The following TUBGCP3 variants were observed in gnomAD, a reference collection of about 807,000 sequenced individuals.
The protein encoded by TUBGCP3 is tubulin gamma complex component 3.
TUBGCP3 carries 50 observed loss-of-function variants against 123.1 expected under a neutral mutation model. The observed-to-expected ratio is 0.41, with a 90% CI of 0.32 to 0.51. The LOEUF (loss-of-function observed/expected upper bound fraction) is 0.51, where lower values mean the gene tolerates loss of function less well. TUBGCP3 is among the 20% of genes least tolerant of loss of function. TUBGCP3 has a pLI of 0.36. For missense variants in TUBGCP3, 882 were observed against 1,127.0 expected (o/e 0.78, Z 3.11); for synonymous variants, 405 against 413.9 (o/e 0.98, Z 0.26).
At chr13:112,525,684 C>T (rs1017795752) in intron 13 of TUBGCP3, among the ~76,000 whole-genome samples, 2 of 152,226 alleles carry the variant, frequency 1.3e-5, no homozygotes, top group Non-Finnish European at 1.5e-5. Context: ...AAAGCCTCAG[C>T]ACTTCCCACA....
intron 1 of TUBGCP3, among the ~76,000 whole-genome samples, chr13:112,581,707 A>G (rs1205828845): frequency 6.6e-6 from 1 of 152,188 alleles, no homozygotes; most frequent in African/African-American, 2.4e-5. Context: ...TGGCCTCCCA[A>G]AGTGCTGGGA....
At chr13:112,493,482 G>A (rs1293955162) in intron 20 of TUBGCP3, among the ~76,000 whole-genome samples, 1 of 146,416 alleles carries the variant, frequency 6.8e-6, no homozygotes, top group East Asian at 2.1e-4. Context: ...AACAGGGCCT[G>A]GTGTCCCTGA....
intron 10 of TUBGCP3, 39 bp downstream of exon 10, chr13:112,547,581 G>A (rs762520666): frequency 6.9e-6 from 10 of 1,441,718 alleles, no homozygotes; most frequent in Admixed American, 5.0e-5. Flanking sequence ...GGAAAGTCGC[G>A]CGTGGGAAAG....
At position 112,545,971 on chromosome 13, in the gene TUBGCP3, G is replaced by C; in HGVS notation, c.1169-106C>G. ...GACGCCCAAGTAATTGAGATAAAGA[G>C]CATTTGTTTTCTTACAGTTAATACC... On this transcript the variant is annotated intron_variant, in intron 10 of 21. Coordinates refer to ENST00000261965, the MANE Select transcript of TUBGCP3 (RefSeq NM_006322.6). This position sits in a 1 kb window ranked among gnomAD's most constrained non-coding sequence, Gnocchi z 4.1. The C allele has an allele frequency of 7.6e-7, 1 of 1,315,806 alleles. No homozygotes were observed. Among genetic ancestry groups the C allele is most frequent in the South Asian group, 1.4e-5 (1 of 72,816 alleles). 81.5% of individuals were successfully genotyped at this position (1,315,806 alleles called of 1,614,324 possible).
intron 1 of TUBGCP3, among the ~76,000 whole-genome samples, chr13:112,578,245 C>G (rs2139311835): frequency 6.6e-6 from 1 of 152,200 alleles, no homozygotes; most frequent in South Asian, 2.1e-4. Context: ...CTCCCAGGAT[C>G]GATTGTATCT....
At chr13:112,532,249 G>T (rs533972612) in intron 11 of TUBGCP3, among the ~76,000 whole-genome samples, 2 of 152,298 alleles carry the variant, frequency 1.3e-5, no homozygotes, top group East Asian at 3.9e-4. Context: ...ATTTCAAGAG[G>T]TATGGCATAA....
intron 20 of TUBGCP3, among the ~76,000 whole-genome samples, chr13:112,497,035 T>G (rs763892727): frequency 2.6e-5 from 4 of 151,896 alleles, no homozygotes; most frequent in Non-Finnish European, 4.4e-5. Flanking sequence ...TTGAGACAGT[T>G]TAGTAATTCT....
chr13:112,539,798 G>A (rs996382815), intron 11 of TUBGCP3, among the ~76,000 whole-genome samples: 7 of 151,948 alleles, frequency 4.6e-5, no homozygotes, highest in Non-Finnish European at 8.8e-5. Flanking sequence ...GAGCATTCAG[G>A]TGGTCTTGGG....
chr13:112,485,826 A>C lies in TUBGCP3; in HGVS notation c.*167T>G, dbSNP rs532427097. 1.7e-4 allele frequency: 124 copies of C among 742,932 alleles called. No homozygotes were observed. In the African/African-American group the frequency reaches 1.8e-3, roughly 11 times the overall value. The allele number at this position is 742,932 out of a possible 1,614,324, so 46.0% of individuals were successfully genotyped here. Reference sequence around the variant, plus strand: ...CAAATGCATTCGACTCCGACATGTGAAACACGACGTGGCTTCTCCCACACG... The same window carrying C: ...CAAATGCATTCGACTCCGACATGTGCAACACGACGTGGCTTCTCCCACACG... On this transcript the variant is annotated 3_prime_UTR_variant, in exon 22 of 22. Transcript: ENST00000261965.
intron 13 of TUBGCP3, among the ~76,000 whole-genome samples, chr13:112,523,815 C>G (rs1482782488): frequency 1.3e-5 from 2 of 152,176 alleles, no homozygotes; most frequent in Admixed American, 1.3e-4. Context: ...ACTATTTATT[C>G]TTTATTCACA....
rs1011133820 is a variant in TUBGCP3, at chr13:112,495,864, G to A, written c.2448+3181C>T. ...CAGTGAGTTGGTGGGAGAGCCTTAC[G>A]GGAGCACTTATTTCAAGGACATTAC... On this transcript the variant is annotated intron_variant, in intron 20 of 21. Transcript: ENST00000261965. Among the ~76,000 whole-genome samples the A allele has an allele frequency of 9.2e-5, 14 of 152,130 alleles. No individual in the cohort carries two copies. In the South Asian group the frequency reaches 1.5e-3, roughly 16 times the overall value.
intron 19 of TUBGCP3, among the ~76,000 whole-genome samples, chr13:112,503,360 G>T (rs953901608): frequency 4.6e-5 from 7 of 151,978 alleles, no homozygotes; most frequent in South Asian, 2.1e-4. Flanking sequence ...ATGGTTTTTT[G>T]TTGTTGTTGT....
intron 16 of TUBGCP3, among the ~76,000 whole-genome samples, chr13:112,518,033 A>G (rs1876297949): frequency 6.6e-6 from 1 of 152,236 alleles, no homozygotes; most frequent in Non-Finnish European, 1.5e-5. Flanking sequence ...AAGAGAAGTT[A>G]TACACTTAAA....
At chr13:112,503,050 G>T (rs1235632600) in intron 19 of TUBGCP3, among the ~76,000 whole-genome samples, 1 of 152,074 alleles carries the variant, frequency 6.6e-6, no homozygotes, top group African/African-American at 2.4e-5. Context: ...TGAAGTAAAG[G>T]CCCTGAAGTG....
At chr13:112,563,030 T>C (rs919503409) in intron 3 of TUBGCP3, among the ~76,000 whole-genome samples, 30 of 152,104 alleles carry the variant, frequency 2.0e-4, no homozygotes, top group African/African-American at 6.5e-4. Flanking sequence ...AGATGCACAA[T>C]GTTCTAGTTC....
chr13:112,590,211 C>T (rs1882858019), upstream of TUBGCP3, among the ~76,000 whole-genome samples: 1 of 152,062 alleles, frequency 6.6e-6, no homozygotes, highest in African/African-American at 2.4e-5. Context: ...CTCCTGACCT[C>T]GTGATGTGCC....
rs1175590543 is a variant in TUBGCP3, at chr13:112,524,632, CA to C, written c.1556-2124del. ...AATCTGGGGTCTATGTACCCCCCCA[CA>C]AAAAAATACATGTAAAATTATGTCT... On this transcript the variant is annotated intron_variant, in intron 13 of 21. Transcript: ENST00000261965. This position sits in a 1 kb window ranked among gnomAD's most constrained non-coding sequence, Gnocchi z 4.4. 6.6e-6 allele frequency among the ~76,000 whole-genome samples: 1 copy of C among 152,048 alleles called. No individual in the cohort carries two copies. The highest frequency in any genetic ancestry group is 2.4e-5 in the African/African-American group (1 of 41,380).
At chr13:112,595,570 C>T in the TUBGCP3 span, among the ~76,000 whole-genome samples, 4 of 152,104 alleles carry the variant, frequency 2.6e-5, no homozygotes, top group African/African-American at 4.8e-5. Context: ...AGCAAATTGA[C>T]CTTTATCTCA....
At position 112,499,188 on chromosome 13, in the gene TUBGCP3, G is replaced by A. The variant is rs1315777193; in HGVS notation, c.2308-3C>T. On this transcript the variant is annotated splice_polypyrimidine_tract_variant and splice_region_variant and intron_variant, in intron 19 of 21. Transcript: ENST00000261965. Reference sequence around the variant, plus strand: ...GCTCTAAGTTGATTTAAAAGTGCCTGAAAGAGATGACAATGTTTTATGAAT... The same window carrying A: ...GCTCTAAGTTGATTTAAAAGTGCCTAAAAGAGATGACAATGTTTTATGAAT... The A allele has an allele frequency of 6.3e-7, 1 of 1,599,970 alleles. No individual in the cohort carries two copies. Among genetic ancestry groups the A allele is most frequent in the Non-Finnish European group, 8.5e-7 (1 of 1,174,904 alleles).
Sources: gnomAD v4.1 joint callset for allele counts (sites outside exome capture counted in the v4.1 genomes callset) on GRCh38, gnomAD v4.1.1 for gene constraint, Gnocchi (gnomAD v3.1) non-coding constraint, MANE v1.5 for transcripts, NCBI Gene and HGNC (gene_info 2026-07-23, HGNC 2026-07-21) for gene names.